DOC2A: variants seen among roughly 807,000 people sequenced by gnomAD.
DOC2A encodes the protein double C2-like domain-containing protein alpha.
Under a neutral mutation model 40.6 loss-of-function variants are expected in DOC2A, and 28 were observed. The observed-to-expected ratio is 0.69, with a 90% CI of 0.51 to 0.95. The LOEUF is 0.95. DOC2A is among the 40% of genes least tolerant of loss of function. The pLI, the probability that DOC2A is intolerant of heterozygous loss-of-function variation, is 0.00. For missense variants in DOC2A, 474 were observed against 552.5 expected, an observed-to-expected ratio of 0.86 and a Z score of 1.42; for synonymous variants, 241 against 236.9, an observed-to-expected ratio of 1.02 and a Z score of -0.16.
chr16:30,007,087 C>T lies in DOC2A; in HGVS notation c.658G>A (p.Ala220Thr), dbSNP rs773264300. The change falls in exon 7 of 11, where the codon GCG becomes ACG. Residue 220 changes from alanine to threonine, a missense_variant. Transcript: ENST00000350119. Reference protein sequence around the residue: ...NICLERQVPLASPSSMSAALR... With the variant: ...NICLERQVPLTSPSSMSAALR... ...GCCGCTGACATGGAAGAGGGGGACG[C>T]CAGCTGAGGGGGCAAAGAGAAGGTT... The T allele has an allele frequency of 1.2e-6, 2 of 1,614,006 alleles. No individual in the cohort carries two copies. The highest frequency in any genetic ancestry group is 1.7e-5 in the Admixed American group (1 of 60,022).
Position 30,009,121 on chromosome 16 carries a change from G to A in DOC2A, c.418-16C>T. ...GCTTATTGGCCTGGGATGTGGGGAT[G>A]AAAGGTTCTCAATACCTGTCCTCCA... On this transcript the variant is annotated splice_polypyrimidine_tract_variant and intron_variant, in intron 4 of 10. Transcript: ENST00000350119. The surrounding 1 kb of genome is among the most constrained non-coding windows in gnomAD (Gnocchi z 4.1). 1.2e-6 allele frequency: 2 copies of A among 1,602,288 alleles called. No homozygotes were observed. Among genetic ancestry groups the A allele is most frequent in the Non-Finnish European group, 1.7e-6 (2 of 1,171,604 alleles).
Position 30,010,399 on chromosome 16 carries a change from C to T in DOC2A, c.-13-164G>A. 5.6e-6 allele frequency: 5 copies of T among 900,008 alleles called. No homozygotes were observed. Among genetic ancestry groups the T allele is most frequent in the Non-Finnish European group, 3.5e-6 (2 of 573,674 alleles). The allele number at this position is 900,008 out of a possible 1,614,324, so 55.8% of individuals were successfully genotyped here. ...CCGGTGGCAGGTGGGAGGCCTGGGCCCTGCAGACCCCAAGCTGACTCCACA... is the reference window on the plus strand; with the variant it reads ...CCGGTGGCAGGTGGGAGGCCTGGGCTCTGCAGACCCCAAGCTGACTCCACA... On this transcript the variant is annotated intron_variant, in intron 1 of 10. Coordinates refer to ENST00000350119, the MANE Select transcript of DOC2A (RefSeq NM_003586.3). The surrounding 1 kb of genome is among the most constrained non-coding windows in gnomAD (Gnocchi z 4.2).
At chr16:30,018,243 G>A (rs1256151328) in intron 1 of DOC2A, among the ~76,000 whole-genome samples, 1 of 147,474 alleles carries the variant, frequency 6.8e-6, no homozygotes, top group African/African-American at 2.5e-5. Flanking sequence ...TTGCACCACT[G>A]CACTCCAGCC....
chr16:30,011,246 G>A (rs975423913), upstream of DOC2A: 4 of 891,628 alleles, frequency 4.5e-6, no homozygotes, highest in Admixed American at 6.2e-5. Context: ...ACATCCAACC[G>A]GGCACCCCCG....
At chr16:30,011,527 G>A (rs1287625122), upstream of DOC2A, 3 of 544,576 alleles carry the variant, frequency 5.5e-6, no homozygotes, top group Non-Finnish European at 7.0e-6. Flanking sequence ...TTGTCATGGC[G>A]ACGCCGGCTC....
In DOC2A at chr16:30,006,264, C is replaced by T. The variant is rs369114686; in HGVS notation, c.1125G>A (p.Gln375=). Residue 375 remains glutamine (Q), a synonymous_variant, in exon 11 of 11, where the codon CAG becomes CAA. Transcript: ENST00000350119. This position sits in a 1 kb window ranked among gnomAD's most constrained non-coding sequence, Gnocchi z 6.2. ...ARKHWSDCLQ[Q]PDAALERWHT... is the part of the protein sequence containing the mutation. The stretch of plus-strand genomic sequence containing the variant: ...GCCAGCGCTCCAGGGCTGCGTCCGG[C>T]TGCTGCAGGCAGTCACTCCAGTGCT... 464 of 1,601,688 alleles carry T rather than the reference C, an allele frequency of 2.9e-4. 1 individual carries two copies. In the Middle Eastern group the frequency reaches 4.3e-3, roughly 15 times the overall value.
Position 30,010,011 on chromosome 16 carries a change from G to A in DOC2A, c.212C>T (p.Thr71Ile). The A allele has an allele frequency of 1.9e-6, 3 of 1,612,198 alleles. No individual in the cohort carries two copies. Among genetic ancestry groups the A allele is most frequent in the South Asian group, 1.1e-5 (1 of 91,030 alleles). ...LAPPAALLGA[T>I]TPEDGAEVDS... Reference sequence around the variant, plus strand: ...CACCTCCGCACCATCCTCAGGCGTGGTGGCCCCAAGGAGGGCTGCAGGGGG... The same window carrying A: ...CACCTCCGCACCATCCTCAGGCGTGATGGCCCCAAGGAGGGCTGCAGGGGG... The change falls in exon 2 of 11, where the codon ACC (threonine) becomes ATC (isoleucine). Residue 71 changes from threonine to isoleucine, a missense_variant. Transcript: ENST00000350119. This position sits in a 1 kb window ranked among gnomAD's most constrained non-coding sequence, Gnocchi z 4.2.
rs527301256 is a variant in DOC2A, at chr16:30,010,248, G to A, written c.-13-13C>T. The A allele has an allele frequency of 3.8e-5, 61 of 1,611,936 alleles. No homozygotes were observed. Among genetic ancestry groups the A allele is most frequent in the Non-Finnish European group, 4.6e-5 (54 of 1,179,934 alleles). ...GCAGCACCCCTGGCTAGGAGAGGGCGTGTGAGCCAGTGAGCCCATCATACC... is the reference window on the plus strand; with the variant it reads ...GCAGCACCCCTGGCTAGGAGAGGGCATGTGAGCCAGTGAGCCCATCATACC... On this transcript the variant is annotated splice_polypyrimidine_tract_variant and intron_variant, in intron 1 of 10. Transcript: ENST00000350119. The surrounding 1 kb of genome is among the most constrained non-coding windows in gnomAD (Gnocchi z 4.2).
upstream of DOC2A, among the ~76,000 whole-genome samples, chr16:30,022,312 T>C (rs12325539): frequency 0.37 from 47,458 of 127,542 alleles, 8,457 homozygotes; most frequent in South Asian, 0.47. Context: ...CAAGAGCAAA[T>C]GAACAAATTT....
chr16:30,006,114 TGCAACACACTCGTGCGAA>T lies in DOC2A; in HGVS notation c.*54_*71del. ...GGGGGCAGCCCACCCTGTGTAAACG[TGCAACACACTCGTGCGAA>T]GGTTGGGTACTGGACCCGGCTCGAT... is the stretch of plus-strand genomic sequence containing the variant. On this transcript the variant is annotated 3_prime_UTR_variant, in exon 11 of 11. Coordinates refer to ENST00000350119, the MANE Select transcript of DOC2A (RefSeq NM_003586.3). The surrounding 1 kb of genome is among the most constrained non-coding windows in gnomAD (Gnocchi z 6.2). 1 of 1,504,192 alleles carries T rather than the reference TGCAACACACTCGTGCGAA, an allele frequency of 6.6e-7. No homozygotes were observed. Among genetic ancestry groups the T allele is most frequent in the Non-Finnish European group, 8.9e-7 (1 of 1,119,130 alleles). 93.2% of individuals were successfully genotyped at this position (1,504,192 alleles called of 1,614,324 possible).
rs562734616 is a variant in DOC2A at position 30,009,474 on chromosome 16, C to T, written c.342+4G>A. 3 of 1,551,268 alleles carry T rather than the reference C, an allele frequency of 1.9e-6. No individual in the cohort carries two copies. The highest frequency in any genetic ancestry group is 2.4e-5 in the South Asian group (2 of 84,062). Reference sequence around the variant, plus strand: ...CCCGGGCTTGGGTGGCAGGGAGTGCCCACCTTGGCCCTGAGGATGCTACAG... The same window carrying T: ...CCCGGGCTTGGGTGGCAGGGAGTGCTCACCTTGGCCCTGAGGATGCTACAG... On this transcript the variant is annotated splice_donor_region_variant and intron_variant, in intron 3 of 10. Transcript: ENST00000350119. The surrounding 1 kb of genome is among the most constrained non-coding windows in gnomAD (Gnocchi z 4.1).
In DOC2A at chr16:30,006,272, G is replaced by A; in HGVS notation, c.1117C>T (p.Leu373=). The A allele has an allele frequency of 1.9e-6, 3 of 1,605,728 alleles. No homozygotes were observed. The highest frequency in any genetic ancestry group is 2.5e-6 in the Non-Finnish European group (3 of 1,176,876). Residue 373 remains leucine (L), a synonymous_variant, in exon 11 of 11, where the codon CTG becomes TTG. Coordinates refer to ENST00000350119, the MANE Select transcript of DOC2A (RefSeq NM_003586.3). This position sits in a 1 kb window ranked among gnomAD's most constrained non-coding sequence, Gnocchi z 6.2. ...GEARKHWSDC[L]QQPDAALERW... ...TCCAGGGCTGCGTCCGGCTGCTGCA[G>A]GCAGTCACTCCAGTGCTTCCGAGCC...
At chr16:30,011,450 C>T (rs2070777936), upstream of DOC2A, 2 of 982,438 alleles carry the variant, frequency 2.0e-6, no homozygotes, top group African/African-American at 1.8e-5. Context: ...CCCCCCGCCC[C>T]CGCCCGCGCG....
rs186723113 is a variant in DOC2A, at chr16:30,006,168, C to T, written c.*18G>A. The T allele has an allele frequency of 6.8e-4, 1,065 of 1,566,834 alleles. 8 individuals are homozygous for T. Among genetic ancestry groups the T allele is most frequent in the Middle Eastern group, 3.9e-3 (18 of 4,582 alleles). On this transcript the variant is annotated 3_prime_UTR_variant, in exon 11 of 11. Coordinates refer to ENST00000350119, the MANE Select transcript of DOC2A (RefSeq NM_003586.3). This position sits in a 1 kb window ranked among gnomAD's most constrained non-coding sequence, Gnocchi z 6.2. Reference sequence around the variant, plus strand: ...TGGACCCGGCTCGATGGGCCTGTGCCGGGACACTGCTGTCCACTCAGGCTG... The same window carrying T: ...TGGACCCGGCTCGATGGGCCTGTGCTGGGACACTGCTGTCCACTCAGGCTG...
Position 30,009,872 on chromosome 16 carries a change from A to C in DOC2A, c.262+89T>G. The C allele has an allele frequency of 7.4e-7, 1 of 1,343,086 alleles. No individual in the cohort carries two copies. Among genetic ancestry groups the C allele is most frequent in the Non-Finnish European group, 1.1e-6 (1 of 948,758 alleles). 83.2% of individuals were successfully genotyped at this position (1,343,086 alleles called of 1,614,324 possible). A position where few individuals can be genotyped will look rare whatever the true frequency, so the allele number is the denominator to read the frequency against. ...GCCCTCCTCCCCTACCTACATGCAC[A>C]GCCAGCAGGGCCCATCCCCCTCTCC... On this transcript the variant is annotated intron_variant, in intron 2 of 10. Transcript: ENST00000350119. This position sits in a 1 kb window ranked among gnomAD's most constrained non-coding sequence, Gnocchi z 4.1.
chr16:30,016,778 A>C (rs1220510562), upstream of DOC2A, among the ~76,000 whole-genome samples: 1 of 152,210 alleles, frequency 6.6e-6, no homozygotes, highest in Non-Finnish European at 1.5e-5. Flanking sequence ...AACCAGGCCC[A>C]AGGTCAATGA....
upstream of DOC2A, among the ~76,000 whole-genome samples, chr16:30,016,055 A>ATTTTTTT (rs59271933): frequency 4.7e-4 from 8 of 16,896 alleles, no homozygotes; most frequent in East Asian, 2.8e-3. Flanking sequence ...ATATATATAT[A>ATTTTTTT]TTTTTTTTTT....
chr16:30,009,876 A>G lies in DOC2A; in HGVS notation c.262+85T>C. 1 of 1,125,886 alleles carries G rather than the reference A, an allele frequency of 8.9e-7. No homozygotes were observed. Among genetic ancestry groups the G allele is most frequent in the Non-Finnish European group, 1.3e-6 (1 of 778,420 alleles). The allele number at this position is 1,125,886 out of a possible 1,614,324, so 69.7% of individuals were successfully genotyped here. A position where few individuals can be genotyped will look rare whatever the true frequency, so the allele number is the denominator to read the frequency against. ...TCCTCCCCTACCTACATGCACAGCC[A>G]GCAGGGCCCATCCCCCTCTCCCCCC... is the stretch of plus-strand genomic sequence containing the variant. On this transcript the variant is annotated intron_variant, in intron 2 of 10. Coordinates refer to ENST00000350119, the MANE Select transcript of DOC2A (RefSeq NM_003586.3). The surrounding 1 kb of genome is among the most constrained non-coding windows in gnomAD (Gnocchi z 4.1).
At chr16:30,016,055 A>ATATATTTT (rs1163519904), upstream of DOC2A, among the ~76,000 whole-genome samples, 1 of 16,902 alleles carries the variant, frequency 5.9e-5, no homozygotes, top group Non-Finnish European at 9.5e-5. Flanking sequence ...ATATATATAT[A>ATATATTTT]TTTTTTTTTT....
Sources: allele counts gnomAD v4.1 joint callset (sites outside exome capture counted in the v4.1 genomes callset), GRCh38; gene constraint gnomAD v4.1.1; non-coding constraint Gnocchi (gnomAD v3.1); transcripts MANE v1.5; gene names NCBI Gene and HGNC (gene_info 2026-07-23, HGNC 2026-07-21).